CUL1: variants seen among roughly 807,000 people sequenced by gnomAD.
CUL1 encodes the protein cullin 1.
In CUL1, 24 loss-of-function variants were observed where a neutral mutation model predicts 118.0. The observed-to-expected ratio is 0.20, with a 90% CI of 0.15 to 0.29. The LOEUF (loss-of-function observed/expected upper bound fraction) is 0.29. Ranked by LOEUF, CUL1 falls within the 10% of genes least tolerant of loss-of-function variation. CUL1 has a pLI of 1.00. For synonymous variants in CUL1, 332 were observed against 340.4 expected, an observed-to-expected ratio of 0.98 and a Z score of 0.27; for missense variants, 361 against 933.8, an observed-to-expected ratio of 0.39 and a Z score of 7.99.
At chr7:148,699,785 G>A (rs528308717) in intron 1 of CUL1, among the ~76,000 whole-genome samples, 2 of 152,098 alleles carry the variant, frequency 1.3e-5, no homozygotes, top group Non-Finnish European at 2.9e-5. Flanking sequence ...CGCTAGTCGG[G>A]CCGGGCCCTG....
At chr7:148,716,752 T>C (rs1294591176) in intron 1 of CUL1, among the ~76,000 whole-genome samples, 1 of 152,246 alleles carries the variant, frequency 6.6e-6, no homozygotes, top group Non-Finnish European at 1.5e-5. Flanking sequence ...GGAGGTCCTT[T>C]CTTTTTTTCT....
At chr7:148,724,481 C>T (rs111586600) in intron 1 of CUL1, among the ~76,000 whole-genome samples, 4 of 152,270 alleles carry the variant, frequency 2.6e-5, no homozygotes, top group South Asian at 2.1e-4. Context: ...AAAACTCATG[C>T]GGGCTCCGGG....
chr7:148,723,163 G>T (rs1240538859), intron 1 of CUL1, among the ~76,000 whole-genome samples: 1 of 152,188 alleles, frequency 6.6e-6, no homozygotes, highest in Non-Finnish European at 1.5e-5. Context: ...CCAGGCTTGG[G>T]TTCCTTCTCT....
chr7:148,750,456 C>T (rs188087025), intron 2 of CUL1, among the ~76,000 whole-genome samples: 9 of 152,220 alleles, frequency 5.9e-5, no homozygotes, highest in Non-Finnish European at 1.0e-4. Flanking sequence ...CCTAGCCCCC[C>T]GCCCCACGAC....
chr7:148,736,160 T>C (rs1798934864), intron 2 of CUL1, among the ~76,000 whole-genome samples: 1 of 152,032 alleles, frequency 6.6e-6, no homozygotes, highest in Non-Finnish European at 1.5e-5. Context: ...GGCAACACAG[T>C]GAGACCCTGT....
At chr7:148,719,107 C>T (rs1455521112) in intron 1 of CUL1, among the ~76,000 whole-genome samples, 3 of 152,016 alleles carry the variant, frequency 2.0e-5, no homozygotes, top group Admixed American at 6.6e-5. Context: ...TTCAGGAGAT[C>T]GAGACCATCC....
At chr7:148,744,320 T>A (rs1488799791) in intron 2 of CUL1, among the ~76,000 whole-genome samples, 2 of 152,154 alleles carry the variant, frequency 1.3e-5, no homozygotes, top group Non-Finnish European at 2.9e-5. Context: ...TTCTTTGTTC[T>A]TGCTTTCCAC....
At chr7:148,779,655 A>G (rs2129462111) in intron 9 of CUL1, among the ~76,000 whole-genome samples, 1 of 152,344 alleles carries the variant, frequency 6.6e-6, no homozygotes, top group Non-Finnish European at 1.5e-5. Context: ...AGAGTGATAC[A>G]GTCATGGAAT....
intron 2 of CUL1, among the ~76,000 whole-genome samples, chr7:148,751,869 G>A (rs867692898): frequency 1.3e-5 from 2 of 152,236 alleles, no homozygotes; most frequent in African/African-American, 4.8e-5. Context: ...AATCCCAGCA[G>A]TTTGGGAGGC....
chr7:148,714,594 T>C (rs368346765), intron 1 of CUL1, among the ~76,000 whole-genome samples: 28 of 152,258 alleles, frequency 1.8e-4, no homozygotes, highest in African/African-American at 5.8e-4. Flanking sequence ...AGAATCTGAA[T>C]AGCAGTGCTG....
intron 1 of CUL1, among the ~76,000 whole-genome samples, chr7:148,699,534 C>T (rs1797645644): frequency 6.6e-6 from 1 of 152,168 alleles, no homozygotes; most frequent in Admixed American, 6.5e-5. Context: ...ACGCGTGTTC[C>T]CCTGTGAGCT....
chr7:148,765,878 A>G (rs185145252), intron 7 of CUL1, among the ~76,000 whole-genome samples: 3 of 152,316 alleles, frequency 2.0e-5, no homozygotes, highest in Admixed American at 1.3e-4. Context: ...CTAAAGTACC[A>G]CATCTTAGTA....
intron 2 of CUL1, among the ~76,000 whole-genome samples, chr7:148,734,487 G>A (rs920657590): frequency 2.0e-5 from 3 of 152,112 alleles, no homozygotes; most frequent in African/African-American, 4.8e-5. Context: ...CAAGTTATCC[G>A]CCCACCTGGG....
rs527511152 is a variant in CUL1 at position 148,700,486 on chromosome 7, T to C, written c.-162+1457T>C. Among the ~76,000 whole-genome samples, 78 of 152,342 alleles carry C rather than the reference T, an allele frequency of 5.1e-4. 1 individual carries two copies. Among genetic ancestry groups the C allele is most frequent in the African/African-American group, 1.8e-3 (76 of 41,572 alleles). On this transcript the variant is annotated intron_variant, in intron 1 of 21. Coordinates refer to ENST00000325222, the MANE Select transcript of CUL1 (RefSeq NM_003592.3). ...TTAAAATGTAAAACCAGTCATTCTG[T>C]TTGAAAAAGATATTTGGAGATGAGA...
chr7:148,733,656 A>G (rs1034890405), intron 2 of CUL1, among the ~76,000 whole-genome samples: 1 of 150,756 alleles, frequency 6.6e-6, no homozygotes, highest in African/African-American at 2.5e-5. Context: ...ACCGGGGAAG[A>G]AGGAGCTGGC....
chr7:148,750,484 G>A (rs961449883), intron 2 of CUL1, among the ~76,000 whole-genome samples: 1 of 151,994 alleles, frequency 6.6e-6, no homozygotes, highest in Admixed American at 6.6e-5. Context: ...GGTGTGTGAT[G>A]TTCCCCTTCC....
At chr7:148,707,384 T>A (rs1797917309) in intron 1 of CUL1, among the ~76,000 whole-genome samples, 1 of 152,154 alleles carries the variant, frequency 6.6e-6, no homozygotes, top group Non-Finnish European at 1.5e-5. Context: ...CTAAATACTA[T>A]CAGAGGAATT....
intron 2 of CUL1, among the ~76,000 whole-genome samples, chr7:148,748,577 C>CTA (rs747691393): frequency 2.0e-5 from 3 of 152,076 alleles, no homozygotes; most frequent in Non-Finnish European, 2.9e-5. Flanking sequence ...GGAGATTTCA[C>CTA]TAAAAATTTC....
intron 8 of CUL1, 147 bp downstream of exon 8, chr7:148,766,870 A>G (rs915754282): frequency 1.4e-6 from 1 of 711,576 alleles, no homozygotes. Flanking sequence ...TTATGTGCCA[A>G]TTTCAGACTT....
Sources: gnomAD v4.1 joint callset for allele counts (sites outside exome capture counted in the v4.1 genomes callset) on GRCh38, gnomAD v4.1.1 for gene constraint, MANE v1.5 for transcripts, NCBI Gene and HGNC (gene_info 2026-07-23, HGNC 2026-07-21) for gene names.